Variants in NXPH2 observed in about 807,000 individuals in gnomAD.
NXPH2 encodes neurexophilin 2, also known as neurexophilin-2.
In NXPH2, 5 loss-of-function variants were observed where a neutral mutation model predicts 19.8. That is an observed-to-expected ratio of 0.25 (90% CI 0.13 to 0.53). NXPH2 has a LOEUF of 0.53. NXPH2 is among the 20% of genes least tolerant of loss of function. The pLI is 0.96. For synonymous variants in NXPH2, 154 were observed against 127.4 expected (o/e 1.21, Z -1.41); for missense variants, 289 against 322.8 (o/e 0.90, Z 0.80).
At chr2:138,699,507 G>T (rs989337375) in intron 1 of NXPH2, among the ~76,000 whole-genome samples, 2 of 152,090 alleles carry the variant, frequency 1.3e-5, no homozygotes, top group African/African-American at 4.8e-5. Flanking sequence ...GGCTTCCTGT[G>T]CTACTCTCTG....
rs1213814739 is a variant in NXPH2, at chr2:138,748,767, T to G, written c.51+31424A>C. 2.6e-5 allele frequency among the ~76,000 whole-genome samples: 4 copies of G among 152,246 alleles called. No individual in the cohort carries two copies. The East Asian group carries it at 7.7e-4, about 29-fold the overall frequency. On this transcript the variant is annotated intron_variant, in intron 1 of 1. Transcript: ENST00000272641. ...CTTTTAGAAATCAAAGATGGCACATTATTGCAAAGCTAATAATAAGATGAA... is the reference window on the plus strand; with the variant it reads ...CTTTTAGAAATCAAAGATGGCACATGATTGCAAAGCTAATAATAAGATGAA...
chr2:138,707,250 C>T (rs1681031586), intron 1 of NXPH2, among the ~76,000 whole-genome samples: 1 of 151,958 alleles, frequency 6.6e-6, no homozygotes, highest in Non-Finnish European at 1.5e-5. Flanking sequence ...CCAATCAGAA[C>T]ACATATCAAA....
At chr2:138,707,276 G>C (rs988992684) in intron 1 of NXPH2, among the ~76,000 whole-genome samples, 1 of 151,956 alleles carries the variant, frequency 6.6e-6, no homozygotes, top group Non-Finnish European at 1.5e-5. Flanking sequence ...GAGAACAAAG[G>C]CCAGCCACAA....
rs1176134693 is a variant in NXPH2 at position 138,745,822 on chromosome 2, TG to T, written c.51+34368del. ...GAAAGAGAGGAATTCAATTATAGGG[TG>T]GGGGGAAGAAGCAGGAAGGTGGTTT... is the stretch of plus-strand genomic sequence containing the variant. On this transcript the variant is annotated intron_variant, in intron 1 of 1. Transcript: ENST00000272641. Among the ~76,000 whole-genome samples, 14 of 151,014 alleles carry T rather than the reference TG, an allele frequency of 9.3e-5. No individual in the cohort carries two copies. The East Asian group carries it at 2.6e-3, about 28-fold the overall frequency.
chr2:138,760,392 C>A (rs1172314372), intron 1 of NXPH2, among the ~76,000 whole-genome samples: 1 of 152,170 alleles, frequency 6.6e-6, no homozygotes, highest in Non-Finnish European at 1.5e-5. Flanking sequence ...AAAAACCCCA[C>A]AGGTTAGAAA....
At chr2:138,684,825 C>T (rs1355509732) in intron 1 of NXPH2, among the ~76,000 whole-genome samples, 2 of 152,170 alleles carry the variant, frequency 1.3e-5, no homozygotes, top group Non-Finnish European at 2.9e-5. Context: ...AGTCATGCTC[C>T]CTTCATTTCT....
At chr2:138,718,504 G>A (rs1271019334) in intron 1 of NXPH2, among the ~76,000 whole-genome samples, 1 of 152,170 alleles carries the variant, frequency 6.6e-6, no homozygotes. Context: ...GTTTCAGAAA[G>A]CTTGTTGCCC....
intron 1 of NXPH2, among the ~76,000 whole-genome samples, chr2:138,675,819 A>G (rs1431199236): frequency 6.6e-6 from 1 of 152,196 alleles, no homozygotes; most frequent in East Asian, 1.9e-4. Flanking sequence ...CTGTTCAAAG[A>G]GCCCTTGATT....
chr2:138,676,385 T>C (rs945599609), intron 1 of NXPH2, among the ~76,000 whole-genome samples: 2 of 152,126 alleles, frequency 1.3e-5, no homozygotes, highest in Admixed American at 6.5e-5. Flanking sequence ...ACCTAGATGG[T>C]TATATGACCT....
At chr2:138,699,365 C>T (rs535014269) in intron 1 of NXPH2, among the ~76,000 whole-genome samples, 8 of 151,954 alleles carry the variant, frequency 5.3e-5, no homozygotes, top group Non-Finnish European at 1.0e-4. Context: ...CACGGCTGAC[C>T]CCAGGGTAGA....
intron 1 of NXPH2, among the ~76,000 whole-genome samples, chr2:138,748,987 T>C (rs181322120): frequency 5.0e-4 from 76 of 152,330 alleles, no homozygotes; most frequent in African/African-American, 1.3e-3. Context: ...CTTTACTTCA[T>C]CTAGTCCTAA....
intron 1 of NXPH2, among the ~76,000 whole-genome samples, chr2:138,775,656 T>G (rs1682249355): frequency 6.6e-6 from 1 of 152,214 alleles, no homozygotes; most frequent in Middle Eastern, 3.4e-3. Flanking sequence ...ATTATAACCA[T>G]TGTGGAAGTC....
chr2:138,755,571 A>T (rs1481386602), intron 1 of NXPH2, among the ~76,000 whole-genome samples: 2 of 152,132 alleles, frequency 1.3e-5, no homozygotes, highest in African/African-American at 2.4e-5. Flanking sequence ...TGGTGTATTG[A>T]ATACTACAGC....
chr2:138,685,237 A>G (rs1435712869), intron 1 of NXPH2, among the ~76,000 whole-genome samples: 1 of 152,196 alleles, frequency 6.6e-6, no homozygotes, highest in Non-Finnish European at 1.5e-5. Flanking sequence ...CAGCTTGCTG[A>G]TCTGCCTATG....
chr2:138,709,417 G>T (rs1011785532), intron 1 of NXPH2, among the ~76,000 whole-genome samples: 2 of 152,072 alleles, frequency 1.3e-5, no homozygotes, highest in Admixed American at 1.3e-4. Flanking sequence ...TAGCAGCCAA[G>T]TACAGAGATT....
chr2:138,764,672 A>G (rs1359924796), intron 1 of NXPH2, among the ~76,000 whole-genome samples: 1 of 152,190 alleles, frequency 6.6e-6, no homozygotes, highest in Non-Finnish European at 1.5e-5. Flanking sequence ...TATGATGGTC[A>G]CAAATTATAT....
At chr2:138,749,114 G>A (rs1482786184) in intron 1 of NXPH2, among the ~76,000 whole-genome samples, 1 of 152,096 alleles carries the variant, frequency 6.6e-6, no homozygotes, top group Admixed American at 6.6e-5. Flanking sequence ...ACTAGATCAC[G>A]GGGCAGTTTC....
At chr2:138,777,734 T>C (rs1682287897) in intron 1 of NXPH2, among the ~76,000 whole-genome samples, 1 of 151,282 alleles carries the variant, frequency 6.6e-6, no homozygotes, top group Admixed American at 6.6e-5. Context: ...ATATTTAATA[T>C]TTTTTATAAG....
At chr2:138,779,893 T>A (rs946286445) in intron 1 of NXPH2, among the ~76,000 whole-genome samples, 3 of 152,156 alleles carry the variant, frequency 2.0e-5, no homozygotes, top group African/African-American at 7.2e-5. Flanking sequence ...CTTGACCGCT[T>A]ATCAATAAAC....
Sources: allele counts gnomAD v4.1 joint callset (sites outside exome capture counted in the v4.1 genomes callset), GRCh38; gene constraint gnomAD v4.1.1; transcripts MANE v1.5; gene names NCBI Gene and HGNC (gene_info 2026-07-23, HGNC 2026-07-21).